The following LRGUK variants were observed in gnomAD, a reference collection of about 807,000 sequenced individuals.
LRGUK encodes the protein leucine rich repeats and guanylate kinase domain containing, also known as leucine-rich repeat and guanylate kinase domain-containing protein.
Under a neutral mutation model 76.0 loss-of-function variants are expected in LRGUK, and 65 were observed. That is an observed-to-expected ratio of 0.85 (90% CI 0.70 to 1.05). The LOEUF is 1.05. Among genes scored for constraint, LRGUK ranks in the 50% least tolerant of loss-of-function variants. The pLI, the probability that LRGUK is intolerant of heterozygous loss-of-function variation, is 0.00. For missense variants in LRGUK, 758 were observed against 732.8 expected, an observed-to-expected ratio of 1.03 and a Z score of -0.40; for synonymous variants, 268 against 265.6, an observed-to-expected ratio of 1.01 and a Z score of -0.09.
chr7:134,247,495 T>A (rs966839690), intron 16 of LRGUK, 61 bp from the exon 17 acceptor site: 1 of 1,197,698 alleles, frequency 8.3e-7, no homozygotes, highest in Non-Finnish European at 1.2e-6. Context: ...TTATTATAGA[T>A]GTTTTAATCA....
chr7:134,183,895 C>T (rs762806508), intron 11 of LRGUK, 42 bp downstream of exon 11: 10 of 1,606,250 alleles, frequency 6.2e-6, no homozygotes, highest in Admixed American at 1.7e-5. Context: ...GAAATTCATC[C>T]GAATTATTGG....
chr7:134,274,927 A>G, the LRGUK span, among the ~76,000 whole-genome samples: 1 of 151,992 alleles, frequency 6.6e-6, no homozygotes, highest in Non-Finnish European at 1.5e-5. Flanking sequence ...GAGCAAAACT[A>G]TTTTTATTTA....
At chr7:134,221,900 A>C (rs1402907306) in exon 16 of LRGUK, 1 of 1,594,772 alleles carries the variant, frequency 6.3e-7, no homozygotes, top group South Asian at 1.1e-5. Flanking sequence ...CCAAACTTTC[A>C]GCCAAAAAAA....
intron 8 of LRGUK, among the ~76,000 whole-genome samples, chr7:134,174,852 G>A (rs760799131): frequency 6.6e-5 from 10 of 152,028 alleles, no homozygotes; most frequent in Non-Finnish European, 1.0e-4. Flanking sequence ...TGACTAACAA[G>A]CTGTCACATG....
At chr7:134,248,727 T>C (rs984277888) in intron 17 of LRGUK, among the ~76,000 whole-genome samples, 2 of 152,224 alleles carry the variant, frequency 1.3e-5, no homozygotes, top group African/African-American at 4.8e-5. Context: ...CTATGGAATA[T>C]TCACAGCAAT....
At chr7:134,134,530 T>C (rs1363392044) in intron 1 of LRGUK, among the ~76,000 whole-genome samples, 1 of 152,134 alleles carries the variant, frequency 6.6e-6, no homozygotes, top group Admixed American at 6.5e-5. Context: ...TTGTGCAGAG[T>C]GCTGCCTTCC....
intron 5 of LRGUK, among the ~76,000 whole-genome samples, chr7:134,155,434 A>G (rs1378993468): frequency 6.6e-6 from 1 of 152,214 alleles, no homozygotes. Flanking sequence ...GAAAATGCAT[A>G]TTGACCACAA....
intron 1 of LRGUK, among the ~76,000 whole-genome samples, chr7:134,132,362 TA>T (rs950492645): frequency 1.1e-4 from 16 of 145,180 alleles, no homozygotes; most frequent in African/African-American, 3.0e-4. Context: ...CTCAAAAAAA[TA>T]AAAAAAAAAG....
intron 11 of LRGUK, among the ~76,000 whole-genome samples, chr7:134,190,325 A>G (rs1225116183): frequency 2.6e-5 from 4 of 151,958 alleles, no homozygotes; most frequent in African/African-American, 9.7e-5. Flanking sequence ...TCACACCTCA[A>G]CCTCCTGAGC....
intron 11 of LRGUK, among the ~76,000 whole-genome samples, chr7:134,189,935 A>G (rs1800131147): frequency 6.6e-6 from 1 of 152,186 alleles, no homozygotes; most frequent in Non-Finnish European, 1.5e-5. Context: ...GAAAGGGAGC[A>G]GTGGTATGAA....
At chr7:134,140,348 A>G (rs577623621) in intron 3 of LRGUK, among the ~76,000 whole-genome samples, 5 of 152,200 alleles carry the variant, frequency 3.3e-5, no homozygotes, top group African/African-American at 1.2e-4. Context: ...CATATTTTTC[A>G]TTCTTTTTTG....
At chr7:134,138,175 C>T (rs1797613614) in intron 2 of LRGUK, among the ~76,000 whole-genome samples, 2 of 152,108 alleles carry the variant, frequency 1.3e-5, no homozygotes. Context: ...CCAGTGCATC[C>T]CCACACAAGC....
chr7:134,148,348 T>A (rs1461840088), intron 5 of LRGUK, 29 bp downstream of exon 5: 3 of 1,304,494 alleles, frequency 2.3e-6, no homozygotes, highest in African/African-American at 1.5e-5. Flanking sequence ...AAGGGGAAAA[T>A]TTTAAAAACA....
At chr7:134,128,836 C>T (rs997594980) in intron 1 of LRGUK, among the ~76,000 whole-genome samples, 1 of 152,106 alleles carries the variant, frequency 6.6e-6, no homozygotes, top group Non-Finnish European at 1.5e-5. Flanking sequence ...AGGCGTGAGC[C>T]ACCGCACCCG....
chr7:134,133,498 C>G (rs1797395024), intron 1 of LRGUK, among the ~76,000 whole-genome samples: 1 of 152,190 alleles, frequency 6.6e-6, no homozygotes, highest in Admixed American at 6.5e-5. Context: ...GCGTACTTGT[C>G]TGTCTCCCAG....
Position 134,144,213 on chromosome 7 carries a change from A to T in LRGUK, c.588+1051A>T, listed in dbSNP as rs377228462. On this transcript the variant is annotated intron_variant, in intron 4 of 15. Coordinates refer to ENST00000645682, the Ensembl canonical transcript of LRGUK. ...AGTGGCGCAATCTTGTCTCACTCTC[A>T]CCGCAACCTCCGACTCCTGGGCTCA... Among the ~76,000 whole-genome samples, 30 of 152,198 alleles carry T rather than the reference A, an allele frequency of 2.0e-4. No homozygotes were observed. The East Asian group carries it at 5.2e-3, about 26-fold the overall frequency.
Position 134,127,676 on chromosome 7 carries a change from C to T in LRGUK, c.297+12C>T. The T allele has an allele frequency of 6.2e-7, 1 of 1,606,172 alleles. No individual in the cohort carries two copies. The highest frequency in any genetic ancestry group is 1.7e-5 in the Admixed American group (1 of 59,798). On this transcript the variant is annotated intron_variant, in intron 1 of 15. Transcript: ENST00000645682. ...TGCTGAATTTGGAGGTGTGTCTTCC[C>T]CCCCACCCCGTACTCCCTGGCTCCC...
intron 12 of LRGUK, 139 bp from the exon 13 acceptor site, chr7:134,196,853 C>T: frequency 3.1e-5 from 15 of 482,302 alleles, no homozygotes; most frequent in East Asian, 9.9e-5. Context: ...TTTCATTTAC[C>T]CCATTGTCAT....
At chr7:134,230,113 G>A (rs1341467426) in intron 16 of LRGUK, among the ~76,000 whole-genome samples, 2 of 152,022 alleles carry the variant, frequency 1.3e-5, no homozygotes, top group Non-Finnish European at 2.9e-5. Flanking sequence ...AGAGAGTGGG[G>A]AGATATTTGC....
Sources: gnomAD v4.1 joint callset for allele counts (sites outside exome capture counted in the v4.1 genomes callset) on GRCh38, gnomAD v4.1.1 for gene constraint, MANE v1.5 for transcripts, NCBI Gene and HGNC (gene_info 2026-07-23, HGNC 2026-07-21) for gene names.